NBAS: variants seen among roughly 807,000 people sequenced by gnomAD.
The protein encoded by NBAS is NBAS subunit of NRZ tethering complex.
A neutral mutation model predicts 302.5 loss-of-function variants in NBAS; 219 were observed. That is an observed-to-expected ratio of 0.72 (90% CI 0.65 to 0.81). The LOEUF (loss-of-function observed/expected upper bound fraction) is 0.81, where lower values mean the gene tolerates loss of function less well. Ranked by LOEUF, NBAS falls within the 30% of genes least tolerant of loss-of-function variation. The pLI is 0.00. For missense variants in NBAS, 2,932 were observed against 2,841.6 expected, an observed-to-expected ratio of 1.03 and a Z score of -0.72; for synonymous variants, 1,118 against 1,021.6, an observed-to-expected ratio of 1.09 and a Z score of -1.80.
chr2:15,133,902 A>T, the NBAS span, among the ~76,000 whole-genome samples: 7 of 152,238 alleles, frequency 4.6e-5, no homozygotes, highest in African/African-American at 1.7e-4. Flanking sequence ...ATGAATTGGA[A>T]GGGATCAGCC....
At chr2:15,363,163 C>G (rs1674022127) in intron 32 of NBAS, among the ~76,000 whole-genome samples, 1 of 152,182 alleles carries the variant, frequency 6.6e-6, no homozygotes, top group Non-Finnish European at 1.5e-5. Context: ...ACAGAGTTCC[C>G]TCCTGCTCCT....
chr2:15,326,734 G>A (rs1471769093), intron 38 of NBAS, among the ~76,000 whole-genome samples: 1 of 152,084 alleles, frequency 6.6e-6, no homozygotes, highest in East Asian at 1.9e-4. Context: ...TACATGCCCT[G>A]ATTAGAGAAG....
At chr2:15,064,337 A>G in the NBAS span, among the ~76,000 whole-genome samples, 1 of 151,214 alleles carries the variant, frequency 6.6e-6, no homozygotes, top group Non-Finnish European at 1.5e-5. Context: ...ACGAGGAGAC[A>G]TTACAACTAA....
chr2:14,877,343 G>A, the NBAS span, among the ~76,000 whole-genome samples: 1 of 152,040 alleles, frequency 6.6e-6, no homozygotes, highest in African/African-American at 2.4e-5. Flanking sequence ...CAGCAACTTC[G>A]GGATCTAGTT....
the NBAS span, among the ~76,000 whole-genome samples, chr2:15,142,102 G>A: frequency 2.0e-5 from 3 of 152,252 alleles, no homozygotes; most frequent in South Asian, 6.2e-4. Context: ...ACGTGTTGGG[G>A]GACACACACT....
intron 51 of NBAS, among the ~76,000 whole-genome samples, chr2:15,171,209 TG>T (rs1664275998): frequency 6.6e-6 from 1 of 152,188 alleles, no homozygotes; most frequent in African/African-American, 2.4e-5. Context: ...TTAACTCTCT[TG>T]GCCAAGCTGA....
At chr2:15,222,193 T>A (rs1192915978) in intron 47 of NBAS, among the ~76,000 whole-genome samples, 1 of 152,206 alleles carries the variant, frequency 6.6e-6, no homozygotes, top group Non-Finnish European at 1.5e-5. Context: ...ATGGGAATGA[T>A]AGAGGATTTC....
chr2:14,858,496 C>T, the NBAS span, among the ~76,000 whole-genome samples: 1 of 152,012 alleles, frequency 6.6e-6, no homozygotes, highest in East Asian at 1.9e-4. Flanking sequence ...GAATGAGGTC[C>T]TGTCACTTTT....
At chr2:14,971,559 A>C in the NBAS span, among the ~76,000 whole-genome samples, 1 of 152,204 alleles carries the variant, frequency 6.6e-6, no homozygotes, top group East Asian at 1.9e-4. Flanking sequence ...AAGAGCCATT[A>C]TTTTCTTAAA....
rs1444390106 is a variant in NBAS, at chr2:15,167,205, A to G, written c.6959T>C (p.Leu2320Pro). The G allele has an allele frequency of 1.1e-5, 17 of 1,614,118 alleles. No homozygotes were observed. Among genetic ancestry groups the G allele is most frequent in the South Asian group, 2.2e-5 (2 of 91,092 alleles). The change falls in exon 52 of 52, where the codon CTC becomes CCC. Residue 2320 changes from leucine (L) to proline (P), a missense_variant. Physicochemically the swap from Leu to Pro is moderately conservative, Grantham distance 98 (BLOSUM62 -3). Coordinates refer to ENST00000281513, the MANE Select transcript of NBAS (RefSeq NM_015909.4). ...CTCTGCATCCCAGCGCCCTTGCTGG[A>G]GGCTAGCCAAGAGGTGGTCAACAAT... ...PRIVDHLLASLQQGRWDAEEL... is the reference protein window; with the variant it reads ...PRIVDHLLASPQQGRWDAEEL...
Position 15,408,306 on chromosome 2 carries a change from T to G in NBAS, c.2938-6005A>C, listed in dbSNP as rs574121075. Among the ~76,000 whole-genome samples the G allele has an allele frequency of 5.3e-5, 8 of 152,354 alleles. No homozygotes were observed. In the East Asian group the frequency reaches 1.5e-3, roughly 29 times the overall value. On this transcript the variant is annotated intron_variant, in intron 25 of 51. Transcript: ENST00000281513. ...TCATCCAACACCTGAACAATTCAGA[T>G]CCTCTGGTCATTTTAACTCTGATGC... is the stretch of plus-strand genomic sequence containing the variant.
At chr2:15,276,087 A>G (rs971210175) in intron 43 of NBAS, among the ~76,000 whole-genome samples, 1 of 152,104 alleles carries the variant, frequency 6.6e-6, no homozygotes, top group Non-Finnish European at 1.5e-5. Flanking sequence ...AGATGACAAT[A>G]TCTCCATGCC....
chr2:14,979,697 T>C, the NBAS span, among the ~76,000 whole-genome samples: 5 of 152,164 alleles, frequency 3.3e-5, no homozygotes, highest in Admixed American at 3.3e-4. Flanking sequence ...CATTTTTATC[T>C]TCATTGTTAT....
chr2:15,259,714 G>A (rs1241378569), intron 44 of NBAS, among the ~76,000 whole-genome samples: 2 of 152,160 alleles, frequency 1.3e-5, no homozygotes, highest in African/African-American at 4.8e-5. Flanking sequence ...ATAAAGACAT[G>A]AGCAGTTTGT....
At chr2:15,283,577 C>G (rs1165860637) in intron 42 of NBAS, among the ~76,000 whole-genome samples, 2 of 152,164 alleles carry the variant, frequency 1.3e-5, no homozygotes, top group East Asian at 1.9e-4. Context: ...TTTCCTGAGG[C>G]CTTCCCAGCC....
rs951924351 is a variant in NBAS, at chr2:15,528,336, T to C, written c.746+6207A>G. Among the ~76,000 whole-genome samples, 3 of 151,082 alleles carry C rather than the reference T, an allele frequency of 2.0e-5. No individual in the cohort carries two copies. In the South Asian group the frequency reaches 6.2e-4, roughly 31 times the overall value. Reference sequence around the variant, plus strand: ...GGCGCTTATTTTCTAGCTTGCATTCTAGTTTACATATATAGATTTTTAATA... The same window carrying C: ...GGCGCTTATTTTCTAGCTTGCATTCCAGTTTACATATATAGATTTTTAATA... On this transcript the variant is annotated intron_variant, in intron 9 of 51. Coordinates refer to ENST00000281513, the MANE Select transcript of NBAS (RefSeq NM_015909.4).
At chr2:15,044,742 C>CT in the NBAS span, among the ~76,000 whole-genome samples, 1 of 152,148 alleles carries the variant, frequency 6.6e-6, no homozygotes, top group African/African-American at 2.4e-5. Context: ...TAGTTGTGGC[C>CT]TTATTTTCTA....
chr2:14,848,624 G>A, the NBAS span, among the ~76,000 whole-genome samples: 1 of 139,920 alleles, frequency 7.1e-6, no homozygotes, highest in African/African-American at 3.2e-5. Flanking sequence ...TCTGGGGGCA[G>A]GGCACAGACA....
At chr2:15,233,368 T>C (rs1445866395) in intron 46 of NBAS, among the ~76,000 whole-genome samples, 1 of 152,216 alleles carries the variant, frequency 6.6e-6, no homozygotes, top group Non-Finnish European at 1.5e-5. Context: ...GTATAATTTA[T>C]GTCAAAAATT....
Sources: allele counts gnomAD v4.1 joint callset (sites outside exome capture counted in the v4.1 genomes callset), GRCh38; gene constraint gnomAD v4.1.1; transcripts MANE v1.5; gene names NCBI Gene and HGNC (gene_info 2026-07-23, HGNC 2026-07-21).